Variants in TAFA1 observed in about 807,000 individuals in gnomAD.
TAFA1 encodes chemokine-like protein TAFA-1.
Under a neutral mutation model 18.5 loss-of-function variants are expected in TAFA1, and 4 were observed. The observed-to-expected ratio is 0.22, with a 90% CI of 0.11 to 0.49. The LOEUF (loss-of-function observed/expected upper bound fraction) is 0.49. TAFA1 is among the 20% of genes least tolerant of loss of function. The pLI, the probability that TAFA1 is intolerant of heterozygous loss-of-function variation, is 0.98. For synonymous variants in TAFA1, 56 were observed against 55.2 expected, an observed-to-expected ratio of 1.01 and a Z score of -0.06; for missense variants, 147 against 169.0, an observed-to-expected ratio of 0.87 and a Z score of 0.72.
At chr3:68,256,848 C>A (rs748432307) in intron 2 of TAFA1, among the ~76,000 whole-genome samples, 3 of 152,074 alleles carry the variant, frequency 2.0e-5, no homozygotes, top group Admixed American at 6.6e-5. Flanking sequence ...GGCCCCAAAA[C>A]CTTTGTATGA....
chr3:68,029,982 C>A (rs948375480), intron 2 of TAFA1, among the ~76,000 whole-genome samples: 2 of 152,106 alleles, frequency 1.3e-5, no homozygotes, highest in African/African-American at 4.8e-5. Flanking sequence ...CTGTAGAGAT[C>A]CTATGATCAG....
intron 3 of TAFA1, among the ~76,000 whole-genome samples, chr3:68,424,038 A>G (rs1463088682): frequency 6.6e-6 from 1 of 152,070 alleles, no homozygotes; most frequent in East Asian, 1.9e-4. Context: ...ACTTTCTTTC[A>G]CGGCAGTGAA....
chr3:68,544,774 T>C lies in TAFA1; in HGVS notation c.*271T>C, dbSNP rs375650802. The C allele has an allele frequency of 4.1e-5, 12 of 290,062 alleles. No homozygotes were observed. The highest frequency in any genetic ancestry group is 6.4e-5 in the Non-Finnish European group (10 of 155,540). The allele number at this position is 290,062 out of a possible 1,614,324, so 18.0% of individuals were successfully genotyped here. A position where few individuals can be genotyped will look rare whatever the true frequency, so the allele number is the denominator to read the frequency against. The stretch of plus-strand genomic sequence containing the variant: ...GAAGAACGATCAACTATCTTCTAAT[T>C]TGAATCTATAGTTACTTTGTACCAT... On this transcript the variant is annotated 3_prime_UTR_variant, in exon 5 of 5. Coordinates refer to ENST00000478136, the MANE Select transcript of TAFA1 (RefSeq NM_213609.4).
chr3:68,286,472 G>A lies in TAFA1; in HGVS notation c.119-130808G>A, dbSNP rs187113278. On this transcript the variant is annotated intron_variant, in intron 2 of 4. Coordinates refer to ENST00000478136, the MANE Select transcript of TAFA1 (RefSeq NM_213609.4). ...ATCAGATCAGGAAAATATTTGGAAT[G>A]GACAAAAAGAGCTAGCAGAAGCCAA... 5.3e-5 allele frequency among the ~76,000 whole-genome samples: 8 copies of A among 151,930 alleles called. No homozygotes were observed. In the East Asian group the frequency reaches 1.4e-3, roughly 26 times the overall value.
intron 2 of TAFA1, among the ~76,000 whole-genome samples, chr3:68,217,706 T>G (rs185779772): frequency 3.3e-5 from 5 of 152,194 alleles, no homozygotes; most frequent in Admixed American, 1.3e-4. Context: ...TCTATAAATC[T>G]AATACTGCTC....
At chr3:68,469,087 G>C (rs898136557) in intron 3 of TAFA1, among the ~76,000 whole-genome samples, 1 of 151,730 alleles carries the variant, frequency 6.6e-6, no homozygotes, top group Non-Finnish European at 1.5e-5. Context: ...AGGCTTAAGA[G>C]GTCACAGAGA....
the TAFA1 span, among the ~76,000 whole-genome samples, chr3:67,993,585 T>C: frequency 1.3e-5 from 2 of 152,206 alleles, no homozygotes; most frequent in Non-Finnish European, 2.9e-5. Context: ...AATACCATAC[T>C]ACAGGGGGAA....
chr3:68,417,213 C>T, intron 2 of TAFA1, 67 bp from the exon 3 acceptor site: 2 of 1,420,892 alleles, frequency 1.4e-6, no homozygotes, highest in South Asian at 1.2e-5. Flanking sequence ...GCTACATGCA[C>T]TCCCAGGGGC....
intron 3 of TAFA1, among the ~76,000 whole-genome samples, chr3:68,472,467 A>G (rs1021921732): frequency 2.6e-5 from 4 of 151,866 alleles, no homozygotes; most frequent in South Asian, 2.1e-4. Context: ...TATACACACA[A>G]GCCTTCTACA....
At chr3:68,105,210 C>T (rs1398431370) in intron 2 of TAFA1, among the ~76,000 whole-genome samples, 2 of 152,126 alleles carry the variant, frequency 1.3e-5, no homozygotes, top group East Asian at 1.9e-4. Context: ...CACCAGACTC[C>T]ACCTCCAACA....
chr3:68,278,237 G>A (rs898245410), intron 2 of TAFA1, among the ~76,000 whole-genome samples: 6 of 152,006 alleles, frequency 3.9e-5, no homozygotes, highest in African/African-American at 1.4e-4. Context: ...GACTGGTAAT[G>A]TTTCCTAACT....
chr3:68,029,761 G>A (rs899797016), intron 2 of TAFA1, among the ~76,000 whole-genome samples: 1 of 152,200 alleles, frequency 6.6e-6, no homozygotes, highest in African/African-American at 2.4e-5. Context: ...TATTCTGAAA[G>A]TATTTTGAAT....
At chr3:68,423,356 C>T (rs1559663433) in intron 3 of TAFA1, among the ~76,000 whole-genome samples, 1 of 152,096 alleles carries the variant, frequency 6.6e-6, no homozygotes, top group African/African-American at 2.4e-5. Flanking sequence ...TGGTGACTGA[C>T]TCAAAAATCA....
At chr3:68,163,150 T>A (rs2065945288) in intron 2 of TAFA1, among the ~76,000 whole-genome samples, 1 of 152,228 alleles carries the variant, frequency 6.6e-6, no homozygotes, top group Admixed American at 6.5e-5. Flanking sequence ...TCTTTCTACG[T>A]AATCTTCTGA....
chr3:68,362,690 A>G (rs1203831287), intron 2 of TAFA1, among the ~76,000 whole-genome samples: 1 of 152,116 alleles, frequency 6.6e-6, no homozygotes, highest in Non-Finnish European at 1.5e-5. Flanking sequence ...AGGAGTTTCT[A>G]AGAAGGGGCT....
chr3:68,159,019 C>T (rs2065896569), intron 2 of TAFA1, among the ~76,000 whole-genome samples: 1 of 152,024 alleles, frequency 6.6e-6, no homozygotes, highest in Non-Finnish European at 1.5e-5. Flanking sequence ...TACTGAATGC[C>T]AACCACATTA....
chr3:68,233,867 G>A (rs1241377440), intron 2 of TAFA1, among the ~76,000 whole-genome samples: 3 of 151,878 alleles, frequency 2.0e-5, no homozygotes, highest in Non-Finnish European at 4.4e-5. Flanking sequence ...TTTTTTGTCT[G>A]TGGTCTCACT....
intron 4 of TAFA1, among the ~76,000 whole-genome samples, chr3:68,539,811 G>C (rs992201750): frequency 1.3e-5 from 2 of 151,808 alleles, no homozygotes; most frequent in Non-Finnish European, 2.9e-5. Flanking sequence ...CCAGGCTGGA[G>C]TGAAGTGGTG....
At chr3:68,472,755 C>G (rs1037804805) in intron 3 of TAFA1, among the ~76,000 whole-genome samples, 3 of 152,038 alleles carry the variant, frequency 2.0e-5, no homozygotes, top group African/African-American at 7.2e-5. Flanking sequence ...GCCTATAAAT[C>G]AGTTAGCTCA....
Sources: gnomAD v4.1 joint callset for allele counts (sites outside exome capture counted in the v4.1 genomes callset) on GRCh38, gnomAD v4.1.1 for gene constraint, MANE v1.5 for transcripts, NCBI Gene and HGNC (gene_info 2026-07-23, HGNC 2026-07-21) for gene names.